The following PRPF6 variants were observed in gnomAD, a reference collection of about 807,000 sequenced individuals.
The protein encoded by PRPF6 is pre-mRNA processing factor 6.
Under a neutral mutation model 118.3 loss-of-function variants are expected in PRPF6, and 42 were observed. That is an observed-to-expected ratio of 0.35 (90% CI 0.28 to 0.46). The LOEUF is 0.46. Ranked by LOEUF, PRPF6 falls within the 20% of genes least tolerant of loss-of-function variation. The pLI, the probability that PRPF6 is intolerant of heterozygous loss-of-function variation, is 1.00. For missense variants in PRPF6, 662 were observed against 1,255.7 expected (o/e 0.53, Z 7.15); for synonymous variants, 481 against 485.1 (o/e 0.99, Z 0.11).
intron 20 of PRPF6, 81 bp downstream of exon 20, chr20:64,032,125 G>A (rs2059317660): frequency 6.2e-7 from 1 of 1,602,440 alleles, no homozygotes; most frequent in Non-Finnish European, 8.5e-7. Flanking sequence ...GGCTCTAGGA[G>A]GTGGCCACGG....
intron 1 of PRPF6, among the ~76,000 whole-genome samples, chr20:63,982,392 G>A (rs1036209680): frequency 2.6e-5 from 4 of 152,094 alleles, no homozygotes; most frequent in African/African-American, 4.8e-5. Flanking sequence ...GGGGGGTCTT[G>A]AACTCCTGAC....
At chr20:64,009,719 C>G (rs1173773490) in intron 9 of PRPF6, among the ~76,000 whole-genome samples, 2 of 152,190 alleles carry the variant, frequency 1.3e-5, no homozygotes, top group Non-Finnish European at 2.9e-5. Context: ...GAGACTCTGT[C>G]TCAAAACAAA....
intron 1 of PRPF6, 76 bp downstream of exon 1, chr20:63,981,392 G>A (rs999302487): frequency 7.2e-6 from 10 of 1,385,406 alleles, no homozygotes; most frequent in Admixed American, 4.3e-5. Context: ...GTTTGGGGGC[G>A]GGGGTCTATG....
chr20:64,008,081 C>T (rs1023128782), intron 9 of PRPF6, among the ~76,000 whole-genome samples: 2 of 152,114 alleles, frequency 1.3e-5, no homozygotes, highest in Non-Finnish European at 1.5e-5. Context: ...GTACCTGGCC[C>T]GGCCTAATTT....
At chr20:63,981,643 TCCCC>T (rs11295538) in intron 1 of PRPF6, among the ~76,000 whole-genome samples, 1 of 124,340 alleles carries the variant, frequency 8.0e-6, no homozygotes, top group African/African-American at 3.1e-5. Flanking sequence ...GGGCTGACAC[TCCCC>T]CCCCCCGCCC....
At chr20:64,021,651 A>G (rs1277306448) in intron 12 of PRPF6, among the ~76,000 whole-genome samples, 1 of 135,206 alleles carries the variant, frequency 7.4e-6, no homozygotes, top group African/African-American at 2.9e-5. Flanking sequence ...GCACATATGC[A>G]TATGCCTCAG....
At chr20:64,006,810 A>C (rs979594266) in intron 9 of PRPF6, among the ~76,000 whole-genome samples, 6 of 152,184 alleles carry the variant, frequency 3.9e-5, no homozygotes, top group Non-Finnish European at 8.8e-5. Context: ...GTGGCATCCT[A>C]CTGGGCTGCC....
At chr20:63,989,782 G>T (rs768048683) in intron 3 of PRPF6, among the ~76,000 whole-genome samples, 3 of 151,880 alleles carry the variant, frequency 2.0e-5, no homozygotes, top group Non-Finnish European at 4.4e-5. Flanking sequence ...CAAAGTGCTG[G>T]GATTACAGAC....
Position 64,027,274 on chromosome 20 carries a change from C to A in PRPF6, c.2205+116C>A. ...AGGAGATGTGGAGGGCTGGGGGTTA[C>A]AGCTGATGGAGCTGCAGACTCAGGA... is the stretch of plus-strand genomic sequence containing the variant. On this transcript the variant is annotated intron_variant, in intron 16 of 20. Transcript: ENST00000266079. This position sits in a 1 kb window ranked among gnomAD's most constrained non-coding sequence, Gnocchi z 6.5. 7.4e-7 allele frequency: 1 copy of A among 1,357,548 alleles called. No individual in the cohort carries two copies. Among genetic ancestry groups the A allele is most frequent in the Non-Finnish European group, 1.0e-6 (1 of 973,934 alleles). The allele number at this position is 1,357,548 out of a possible 1,614,324, so 84.1% of individuals were successfully genotyped here.
At chr20:63,996,300 G>T (rs529031840) in intron 6 of PRPF6, among the ~76,000 whole-genome samples, 3 of 152,082 alleles carry the variant, frequency 2.0e-5, no homozygotes, top group Non-Finnish European at 4.4e-5. Flanking sequence ...GATTGCACCA[G>T]TGCACTCCGG....
In PRPF6 at chr20:64,028,608, A is replaced by C. The variant is rs1033528749; in HGVS notation, c.2431+39A>C. 8 of 1,603,258 alleles carry C rather than the reference A, an allele frequency of 5.0e-6. No individual in the cohort carries two copies. The Admixed American group carries it at 8.4e-5, about 17-fold the overall frequency. Reference sequence around the variant, plus strand: ...CCGACTCCGGTAAGGGGGTGCCCTGACTCCGGTAAGGGGGTGCCTTGACTC... The same window carrying C: ...CCGACTCCGGTAAGGGGGTGCCCTGCCTCCGGTAAGGGGGTGCCTTGACTC... On this transcript the variant is annotated intron_variant, in intron 18 of 20. Transcript: ENST00000266079. This position sits in a 1 kb window ranked among gnomAD's most constrained non-coding sequence, Gnocchi z 6.5.
At chr20:64,013,155 G>A (rs1223626891) in intron 11 of PRPF6, among the ~76,000 whole-genome samples, 1 of 152,038 alleles carries the variant, frequency 6.6e-6, no homozygotes, top group Non-Finnish European at 1.5e-5. Context: ...AGAAGAGACA[G>A]AGTTTCACCA....
chr20:64,023,256 C>T (rs2059274351), intron 13 of PRPF6, among the ~76,000 whole-genome samples: 1 of 152,244 alleles, frequency 6.6e-6, no homozygotes, highest in Non-Finnish European at 1.5e-5. Context: ...GCATATTTTC[C>T]ATTTAAGCTG....
intron 3 of PRPF6, 149 bp from the exon 4 acceptor site, chr20:63,993,258 G>GTA (rs1388151897): frequency 2.7e-5 from 11 of 411,788 alleles, no homozygotes; most frequent in African/African-American, 1.2e-4. Flanking sequence ...GTGTGTGTGT[G>GTA]TGTGTATATG....
chr20:64,028,118 G>A lies in PRPF6; in HGVS notation c.2340-360G>A, dbSNP rs370313726. Among the ~76,000 whole-genome samples the A allele has an allele frequency of 2.0e-5, 3 of 152,286 alleles. No homozygotes were observed. Among genetic ancestry groups the A allele is most frequent in the Non-Finnish European group, 4.4e-5 (3 of 68,020 alleles). ...CAGGCTCTGTTCATGGAGGTGCTGCGTCCAGCTCAGGGTGACGGGGCTGGA... is the reference window on the plus strand; with the variant it reads ...CAGGCTCTGTTCATGGAGGTGCTGCATCCAGCTCAGGGTGACGGGGCTGGA... On this transcript the variant is annotated intron_variant, in intron 17 of 20. Transcript: ENST00000266079. The surrounding 1 kb of genome is among the most constrained non-coding windows in gnomAD (Gnocchi z 6.5).
intron 13 of PRPF6, 25 bp from the exon 14 acceptor site, chr20:64,024,530 G>GT: frequency 6.2e-7 from 1 of 1,613,126 alleles, no homozygotes; most frequent in Non-Finnish European, 8.5e-7. Flanking sequence ...CCTGCCTCTG[G>GT]TGACCGTGGC....
intron 7 of PRPF6, among the ~76,000 whole-genome samples, 153 bp from the exon 8 acceptor site, chr20:63,999,450 G>A (rs1337794097): frequency 6.6e-6 from 1 of 152,212 alleles, no homozygotes; most frequent in Non-Finnish European, 1.5e-5. Context: ...GCTTGGAATA[G>A]TGCGCACTGA....
At chr20:63,992,461 C>T (rs1158275248) in intron 3 of PRPF6, among the ~76,000 whole-genome samples, 3 of 151,680 alleles carry the variant, frequency 2.0e-5, no homozygotes, top group Admixed American at 6.6e-5. Flanking sequence ...GGGGTTTTAC[C>T]ACATTGGCCA....
intron 3 of PRPF6, among the ~76,000 whole-genome samples, chr20:63,987,949 G>A (rs1175926028): frequency 6.6e-6 from 1 of 152,100 alleles, no homozygotes; most frequent in Admixed American, 6.6e-5. Flanking sequence ...TTGGGAGGCC[G>A]AGGCAGGTGG....
Sources: gnomAD v4.1 joint callset for allele counts (sites outside exome capture counted in the v4.1 genomes callset) on GRCh38, gnomAD v4.1.1 for gene constraint, Gnocchi (gnomAD v3.1) non-coding constraint, MANE v1.5 for transcripts, NCBI Gene and HGNC (gene_info 2026-07-23, HGNC 2026-07-21) for gene names.